ITGA4: variants seen among roughly 807,000 people sequenced by gnomAD.
The protein encoded by ITGA4 is integrin alpha-4.
ITGA4 carries 63 observed loss-of-function variants against 133.6 expected under a neutral mutation model. That is an observed-to-expected ratio of 0.47 (90% CI 0.38 to 0.58). The LOEUF (loss-of-function observed/expected upper bound fraction) is 0.58, where lower values mean the gene tolerates loss of function less well. Ranked by LOEUF, ITGA4 falls within the 20% of genes least tolerant of loss-of-function variation. ITGA4 has a pLI of 0.00. For missense variants in ITGA4, 1,076 were observed against 1,252.7 expected, an observed-to-expected ratio of 0.86 and a Z score of 2.13; for synonymous variants, 483 against 438.0, an observed-to-expected ratio of 1.10 and a Z score of -1.28.
intron 15 of ITGA4, among the ~76,000 whole-genome samples, chr2:181,505,321 C>T (rs1686371700): frequency 6.6e-6 from 1 of 151,644 alleles, no homozygotes. Context: ...ATTTTTTTGC[C>T]CCACCAAGTT....
intron 2 of ITGA4, among the ~76,000 whole-genome samples, chr2:181,460,030 A>G (rs1414120406): frequency 6.6e-6 from 1 of 152,258 alleles, no homozygotes. Flanking sequence ...AAATGTAAAC[A>G]TAGTAGATAT....
At chr2:181,487,897 A>C (rs566687917) in intron 10 of ITGA4, among the ~76,000 whole-genome samples, 10 of 152,224 alleles carry the variant, frequency 6.6e-5, no homozygotes, top group South Asian at 2.1e-4. Flanking sequence ...ATGTTTATGC[A>C]TTTTGATTTG....
At chr2:181,519,561 T>C (rs1686675608) in intron 17 of ITGA4, among the ~76,000 whole-genome samples, 1 of 152,124 alleles carries the variant, frequency 6.6e-6, no homozygotes, top group Non-Finnish European at 1.5e-5. Flanking sequence ...TATCCAAAAT[T>C]ATTTTATTTG....
chr2:181,486,672 C>T (rs539446179), intron 10 of ITGA4, among the ~76,000 whole-genome samples: 1 of 152,280 alleles, frequency 6.6e-6, no homozygotes, highest in South Asian at 2.1e-4. Flanking sequence ...CCTGCATCTA[C>T]TAGCATTTAC....
At chr2:181,526,821 CTTTTTTTTTTTTTTTTTTT>C (rs538208494) in intron 21 of ITGA4, among the ~76,000 whole-genome samples, 7 of 41,008 alleles carry the variant, frequency 1.7e-4, no homozygotes, top group African/African-American at 3.1e-4. Context: ...AGCACATGGC[CTTTTTTTTTTTTTTTTTTT>C]TTTTTTTTTT....
intron 7 of ITGA4, among the ~76,000 whole-genome samples, chr2:181,481,971 G>A (rs1247831605): frequency 6.6e-6 from 1 of 152,148 alleles, no homozygotes; most frequent in African/African-American, 2.4e-5. Flanking sequence ...TTTCACAGCT[G>A]AAAAGAAGTT....
In ITGA4 at chr2:181,537,369, CAATTACA is replaced by C; in HGVS notation, c.*1843_*1849del. 2.2e-6 allele frequency: 1 copy of C among 453,782 alleles called. No homozygotes were observed. The highest frequency in any genetic ancestry group is 4.4e-6 in the Non-Finnish European group (1 of 226,698). 28.1% of individuals were successfully genotyped at this position (453,782 alleles called of 1,614,324 possible). ...AGGCCTCTCAGATACAAGGGGAACA[CAATTACA>C]TATTGGGCTAGATTTTGCCCAGTTC... On this transcript the variant is annotated 3_prime_UTR_variant, in exon 28 of 28. Transcript: ENST00000397033.
At chr2:181,484,733 C>T (rs1685877037) in intron 9 of ITGA4, among the ~76,000 whole-genome samples, 1 of 152,184 alleles carries the variant, frequency 6.6e-6, no homozygotes, top group Non-Finnish European at 1.5e-5. Flanking sequence ...TGGGAGTAAA[C>T]AATTGACTAC....
At chr2:181,484,468 C>CT (rs1685871758) in intron 9 of ITGA4, among the ~76,000 whole-genome samples, 1 of 152,194 alleles carries the variant, frequency 6.6e-6, no homozygotes, top group South Asian at 2.1e-4. Flanking sequence ...TCCCTGGAGC[C>CT]TTTTCACCCT....
intron 2 of ITGA4, among the ~76,000 whole-genome samples, chr2:181,467,098 T>A (rs1170542690): frequency 6.6e-6 from 1 of 152,176 alleles, no homozygotes; most frequent in African/African-American, 2.4e-5. Flanking sequence ...ATATCTTGAA[T>A]GAATGACTCT....
rs1380293802 is a variant in ITGA4 at position 181,537,079 on chromosome 2, G to GAGTGTGTATACACAGGAATAAACTTT, written c.*1554_*1579dup. On this transcript the variant is annotated 3_prime_UTR_variant, in exon 28 of 28. Transcript: ENST00000397033. ...GTAAGCACAAAACCTCCTGAACCCAGAGTGTGTATACACAGGAATAAACTT... is the reference window on the plus strand; with the variant it reads ...GTAAGCACAAAACCTCCTGAACCCAGAGTGTGTATACACAGGAATAAACTTTAGTGTGTATACACAGGAATAAACTT... 4 of 447,230 alleles carry GAGTGTGTATACACAGGAATAAACTTT rather than the reference G, an allele frequency of 8.9e-6. No individual in the cohort carries two copies. In the Admixed American group the frequency reaches 9.6e-5, roughly 11 times the overall value. The allele number at this position is 447,230 out of a possible 1,614,324, so 27.7% of individuals were successfully genotyped here.
chr2:181,496,026 C>A, intron 14 of ITGA4, 89 bp downstream of exon 14: 1 of 1,304,702 alleles, frequency 7.7e-7, no homozygotes, highest in Non-Finnish European at 1.1e-6. Context: ...CCGGTTTTCA[C>A]CACGGAGATC....
chr2:181,497,668 T>C (rs1686182182), intron 14 of ITGA4, among the ~76,000 whole-genome samples: 1 of 152,186 alleles, frequency 6.6e-6, no homozygotes, highest in East Asian at 1.9e-4. Context: ...CTGGAAGTGT[T>C]ACTCCTAAAA....
At chr2:181,531,547 G>C (rs1216727026) in intron 24 of ITGA4, 110 bp from the exon 25 acceptor site, 2 of 458,266 alleles carry the variant, frequency 4.4e-6, no homozygotes, top group African/African-American at 4.1e-5. Flanking sequence ...TTTATGGAAA[G>C]ATGATTTTCA....
At position 181,509,670 on chromosome 2, in the gene ITGA4, G is replaced by A; in HGVS notation, c.1708G>A (p.Asp570Asn). The change falls in exon 16 of 28, where the codon GAC (aspartate) becomes AAC (asparagine). Residue 570 changes from aspartate to asparagine, a missense_variant. By Grantham distance (23) the Asp-to-Asn change is conservative. This residue lies in a region of ITGA4 where 365 missense variants were observed against 421.4 expected (regional missense o/e 0.87). Coordinates refer to ENST00000397033, the MANE Select transcript of ITGA4 (RefSeq NM_000885.6). ...TTATTTTCCTTAGAAAGATGTGCGG[G>A]ACATCCTCACCCCAATTCAGATTGA... ...HQAFMRKDVRDILTPIQIEAA... is the reference protein window; with the variant it reads ...HQAFMRKDVRNILTPIQIEAA... 1.3e-6 allele frequency: 2 copies of A among 1,591,412 alleles called. No individual in the cohort carries two copies. Among genetic ancestry groups the A allele is most frequent in the Non-Finnish European group, 1.7e-6 (2 of 1,171,328 alleles).
intron 15 of ITGA4, among the ~76,000 whole-genome samples, chr2:181,505,152 G>A (rs547350404): frequency 6.5e-4 from 99 of 152,110 alleles, no homozygotes; most frequent in Non-Finnish European, 1.1e-3. Flanking sequence ...GAATATTCAT[G>A]CCCCACACTG....
intron 10 of ITGA4, among the ~76,000 whole-genome samples, chr2:181,488,080 A>C: frequency 6.6e-6 from 1 of 152,270 alleles, no homozygotes; most frequent in Non-Finnish European, 1.5e-5. Context: ...GTATGTACAC[A>C]TGAGAAATTA....
intron 2 of ITGA4, among the ~76,000 whole-genome samples, chr2:181,473,798 T>C (rs957652042): frequency 3.3e-5 from 5 of 152,176 alleles, no homozygotes; most frequent in Non-Finnish European, 7.4e-5. Flanking sequence ...GAGACCCCCA[T>C]TGGTACCAAA....
chr2:181,488,068 A>G (rs921088126), intron 10 of ITGA4, among the ~76,000 whole-genome samples: 1 of 152,242 alleles, frequency 6.6e-6, no homozygotes, highest in African/African-American at 2.4e-5. Flanking sequence ...TGAAAAGTAT[A>G]TGTATGTACA....
Sources: gnomAD v4.1 joint callset for allele counts (sites outside exome capture counted in the v4.1 genomes callset) on GRCh38, gnomAD v4.1.1 for gene constraint, gnomAD v4.1.1 regional missense constraint, MANE v1.5 for transcripts, NCBI Gene and HGNC (gene_info 2026-07-23, HGNC 2026-07-21) for gene names.